RCL1: variants seen among roughly 807,000 people sequenced by gnomAD.
The protein encoded by RCL1 is RNA terminal phosphate cyclase like 1.
RCL1 carries 24 observed loss-of-function variants against 42.4 expected under a neutral mutation model. The ratio of observed to expected loss-of-function variants is 0.57; its 90% confidence interval spans 0.41 to 0.80. RCL1 has a LOEUF of 0.80. Among genes scored for constraint, RCL1 ranks in the 30% least tolerant of loss-of-function variants. The pLI, the probability that RCL1 is intolerant of heterozygous loss-of-function variation, is 0.00. For missense variants in RCL1, 578 were observed against 467.9 expected (o/e 1.24, Z -2.17); for synonymous variants, 228 against 177.3 (o/e 1.29, Z -2.27).
intron 6 of RCL1, among the ~76,000 whole-genome samples, chr9:4,842,935 G>A (rs576893950): frequency 6.6e-6 from 1 of 152,272 alleles, no homozygotes; most frequent in Non-Finnish European, 1.5e-5. Context: ...CTTATAGTGT[G>A]GCTTTTTGTT....
chr9:4,821,008 A>G (rs79531507), intron 1 of RCL1, among the ~76,000 whole-genome samples: 4,663 of 152,282 alleles, frequency 0.031, 80 homozygotes, highest in African/African-American at 0.048. Flanking sequence ...TAAATTAACT[A>G]TAAGATCCTT....
rs141312826 is a variant in RCL1, at chr9:4,796,114, G to C, written c.136+2887G>C. ...AAAGAAATTTTATTTTAGAGTCGGG[G>C]GTACATGTGCATGTTTGTTACATGG... On this transcript the variant is annotated intron_variant, in intron 1 of 8. Transcript: ENST00000381750. Among the ~76,000 whole-genome samples, 813 of 152,134 alleles carry C rather than the reference G, an allele frequency of 5.3e-3. 10 individuals are homozygous for C. Among genetic ancestry groups the C allele is most frequent in the African/African-American group, 0.018 (749 of 41,474 alleles).
chr9:4,816,147 G>A (rs1816368415), intron 1 of RCL1, among the ~76,000 whole-genome samples: 1 of 152,064 alleles, frequency 6.6e-6, no homozygotes, highest in Admixed American at 6.6e-5. Context: ...TGGTCAGTTG[G>A]ATATCCTCTT....
chr9:4,830,819 T>G (rs1333227087), intron 3 of RCL1, among the ~76,000 whole-genome samples: 1 of 152,154 alleles, frequency 6.6e-6, no homozygotes, highest in Non-Finnish European at 1.5e-5. Flanking sequence ...ATAGATTGAT[T>G]ACATTTTTAC....
intron 7 of RCL1, among the ~76,000 whole-genome samples, chr9:4,845,704 C>G (rs1300097004): frequency 6.6e-6 from 1 of 152,188 alleles, no homozygotes; most frequent in Non-Finnish European, 1.5e-5. Flanking sequence ...AGGAAAGGCT[C>G]TGAAGGATGG....
At position 4,833,078 on chromosome 9, in the gene RCL1, C is replaced by T. The variant is rs1817003177; in HGVS notation, c.385-76C>T. The T allele has an allele frequency of 3.0e-6, 3 of 986,518 alleles. No homozygotes were observed. The Admixed American group carries it at 5.1e-5, about 17-fold the overall frequency. The allele number at this position is 986,518 out of a possible 1,614,324, so 61.1% of individuals were successfully genotyped here. ...CTGCATCATCTACCTGGTTGCTAAGCCTTACTTGTTTTTTTTGACTCTTGT... is the reference window on the plus strand; with the variant it reads ...CTGCATCATCTACCTGGTTGCTAAGTCTTACTTGTTTTTTTTGACTCTTGT... On this transcript the variant is annotated intron_variant, in intron 3 of 8. Coordinates refer to ENST00000381750, the MANE Select transcript of RCL1 (RefSeq NM_005772.5).
intron 8 of RCL1, among the ~76,000 whole-genome samples, chr9:4,852,377 T>C (rs1204054467): frequency 2.6e-5 from 4 of 152,160 alleles, no homozygotes; most frequent in African/African-American, 9.7e-5. Context: ...ATTTATACTT[T>C]TGGATTAACA....
At position 4,841,395 on chromosome 9, in the gene RCL1, T is replaced by A. The variant is rs551975736; in HGVS notation, c.710+38T>A. ...GTTTTTGAAGTCTGTTTCTGCAGCT[T>A]TTTCACATGCCTGTTCTAGTTGAAG... On this transcript the variant is annotated intron_variant, in intron 6 of 8. Transcript: ENST00000381750. 26 of 1,548,830 alleles carry A rather than the reference T, an allele frequency of 1.7e-5. 1 individual carries two copies. In the Admixed American group the frequency reaches 2.4e-4, roughly 14 times the overall value.
At chr9:4,802,427 G>A (rs1843019296) in intron 1 of RCL1, among the ~76,000 whole-genome samples, 1 of 152,090 alleles carries the variant, frequency 6.6e-6, no homozygotes, top group Non-Finnish European at 1.5e-5. Context: ...ACACCCATAT[G>A]TCCATTTGGG....
intron 1 of RCL1, among the ~76,000 whole-genome samples, chr9:4,813,786 C>A (rs1013824513): frequency 7.9e-5 from 12 of 152,178 alleles, no homozygotes; most frequent in Admixed American, 7.2e-4. Flanking sequence ...TTGGAACCAA[C>A]CCAAATGTCC....
chr9:4,841,612 A>G (rs1424889062), intron 6 of RCL1, among the ~76,000 whole-genome samples: 2 of 152,200 alleles, frequency 1.3e-5, no homozygotes, highest in Non-Finnish European at 2.9e-5. Context: ...TTTATCTATT[A>G]ATACACAATG....
At chr9:4,806,017 G>GGTGTGTGTGTGT (rs58494209) in intron 1 of RCL1, among the ~76,000 whole-genome samples, 40 of 142,826 alleles carry the variant, frequency 2.8e-4, no homozygotes, top group Admixed American at 2.8e-4. Flanking sequence ...ATACCATTGG[G>GGTGTGTGTGTGT]GTGTGTGTGT....
intron 8 of RCL1, 45 bp downstream of exon 8, chr9:4,849,595 T>A (rs1217150523): frequency 7.0e-7 from 1 of 1,426,594 alleles, no homozygotes; most frequent in Non-Finnish European, 9.9e-7. Context: ...CAGTGTAATT[T>A]TCTCATTGCC....
intron 7 of RCL1, among the ~76,000 whole-genome samples, chr9:4,849,154 A>G (rs1308981715): frequency 7.4e-6 from 1 of 135,002 alleles, no homozygotes; most frequent in Non-Finnish European, 1.5e-5. Flanking sequence ...CTTTAATGAT[A>G]AAGGGAAAGT....
chr9:4,832,337 C>A (rs1475664553), intron 3 of RCL1, among the ~76,000 whole-genome samples: 1 of 152,154 alleles, frequency 6.6e-6, no homozygotes, highest in Non-Finnish European at 1.5e-5. Flanking sequence ...AAAATCATCA[C>A]CTTCCCTTTA....
intron 2 of RCL1, 140 bp downstream of exon 2, chr9:4,823,759 T>G (rs1156526259): frequency 6.6e-6 from 4 of 606,610 alleles, no homozygotes; most frequent in Non-Finnish European, 8.6e-6. Flanking sequence ...AATATTATGT[T>G]TAAAGCTTTA....
intron 7 of RCL1, among the ~76,000 whole-genome samples, chr9:4,848,669 T>C (rs769215813): frequency 1.1e-4 from 17 of 152,218 alleles, no homozygotes; most frequent in Non-Finnish European, 2.9e-5. Flanking sequence ...TGCTTATGTA[T>C]GCGTCTAGTG....
At chr9:4,822,993 C>G (rs1443483479) in intron 1 of RCL1, among the ~76,000 whole-genome samples, 1 of 151,750 alleles carries the variant, frequency 6.6e-6, no homozygotes. Context: ...AAAAACTGAA[C>G]TGGTTAGATA....
Position 4,860,144 on chromosome 9 carries a change from T to C in RCL1, c.991T>C (p.Leu331=), listed in dbSNP as rs1818118689. 9 of 1,593,168 alleles carry C rather than the reference T, an allele frequency of 5.6e-6. No homozygotes were observed. Among genetic ancestry groups the C allele is most frequent in the Non-Finnish European group, 6.8e-6 (8 of 1,172,198 alleles). ...SPYTIEFLRH[L]KSFFQIMFKI... ...TTTTAGGATAGAATTTTTGCGGCAT[T>C]TGAAGAGCTTTTTCCAGATTATGTT... Residue 331 remains leucine, a synonymous_variant, in exon 9 of 9, where the codon TTG becomes CTG. Coordinates refer to ENST00000381750, the MANE Select transcript of RCL1 (RefSeq NM_005772.5).
Sources: gnomAD v4.1 joint callset for allele counts (sites outside exome capture counted in the v4.1 genomes callset) on GRCh38, gnomAD v4.1.1 for gene constraint, MANE v1.5 for transcripts, NCBI Gene and HGNC (gene_info 2026-07-23, HGNC 2026-07-21) for gene names.